Variants in WWOX observed in about 807,000 individuals in gnomAD.
WWOX encodes the protein WW domain containing oxidoreductase, also known as WW domain-containing oxidoreductase.
In WWOX, 69 loss-of-function variants were observed where a neutral mutation model predicts 46.2. The ratio of observed to expected loss-of-function variants is 1.49; its 90% CI spans 1.23 to 1.82. The LOEUF is 1.82. Among genes scored for constraint, WWOX ranks in the 40% most tolerant of loss-of-function variants. The probability of loss-of-function intolerance (pLI) is 0.00; values close to 1 mark genes in which losing one functional copy is unlikely to be tolerated. For missense variants in WWOX, 919 were observed against 542.6 expected (o/e 1.69, Z -6.89); for synonymous variants, 359 against 202.6 (o/e 1.77, Z -6.56).
chr16:78,377,307 G>C (rs939837278), intron 5 of WWOX, among the ~76,000 whole-genome samples: 6 of 152,210 alleles, frequency 3.9e-5, no homozygotes, highest in Admixed American at 2.0e-4. Context: ...GCAGTCAAAA[G>C]TAATGGTGTC....
chr16:79,049,765 G>A (rs1464352329), intron 8 of WWOX, among the ~76,000 whole-genome samples: 1 of 151,416 alleles, frequency 6.6e-6, no homozygotes, highest in Admixed American at 6.6e-5. Flanking sequence ...AACCTGGGAG[G>A]TGGAGGTTGC....
chr16:78,682,502 G>A (rs569999195), intron 8 of WWOX, among the ~76,000 whole-genome samples: 4 of 152,192 alleles, frequency 2.6e-5, no homozygotes, highest in African/African-American at 4.8e-5. Context: ...AGGATACCAC[G>A]AGCCCAGGAG....
chr16:78,794,378 TAACAAACA>T (rs775865651), intron 8 of WWOX, among the ~76,000 whole-genome samples: 2 of 152,206 alleles, frequency 1.3e-5, no homozygotes, highest in African/African-American at 4.8e-5. Flanking sequence ...GCCTTATTTG[TAACAAACA>T]AATAAACAAA....
intron 8 of WWOX, among the ~76,000 whole-genome samples, chr16:78,894,050 A>ATTATTATTATTATTAT (rs1410629669): frequency 7.2e-6 from 1 of 137,964 alleles, no homozygotes; most frequent in Admixed American, 8.1e-5. Context: ...TATTATTATT[A>ATTATTATTATTATTAT]TATTTTGAGA....
chr16:79,204,529 A>T (rs1293859077), intron 8 of WWOX: 2 of 152,226 alleles, frequency 1.3e-5, no homozygotes, highest in Admixed American at 1.3e-4. Flanking sequence ...GCTAGACATA[A>T]ATCTATCACA....
intron 8 of WWOX, among the ~76,000 whole-genome samples, chr16:78,905,022 A>G (rs1027798265): frequency 6.6e-6 from 1 of 152,046 alleles, no homozygotes; most frequent in Non-Finnish European, 1.5e-5. Context: ...CAGAAAATAT[A>G]TTTTCATTCC....
intron 8 of WWOX, among the ~76,000 whole-genome samples, chr16:79,075,725 G>C (rs903851159): frequency 6.6e-6 from 1 of 151,884 alleles, no homozygotes; most frequent in African/African-American, 2.4e-5. Flanking sequence ...GCTACTTTTT[G>C]TATTTTTAGT....
chr16:78,859,050 G>GTATATATATATATATATATGTATA (rs2052652303), intron 8 of WWOX, among the ~76,000 whole-genome samples: 2 of 40,838 alleles, frequency 4.9e-5, no homozygotes, highest in African/African-American at 2.2e-4. Flanking sequence ...ATATATATAT[G>GTATATATATATATATATATGTATA]TATATATATA....
intron 8 of WWOX, among the ~76,000 whole-genome samples, chr16:78,893,778 C>G (rs2044641500): frequency 6.6e-6 from 1 of 152,086 alleles, no homozygotes; most frequent in Non-Finnish European, 1.5e-5. Flanking sequence ...CTGTCTTTCC[C>G]TGCCCCTCTC....
chr16:78,104,679 G>T (rs746740734), intron 1 of WWOX, among the ~76,000 whole-genome samples: 2 of 152,120 alleles, frequency 1.3e-5, no homozygotes, highest in Non-Finnish European at 2.9e-5. Flanking sequence ...AAGGAGAATA[G>T]GAGAATGCTT....
intron 8 of WWOX, among the ~76,000 whole-genome samples, chr16:78,668,815 G>C (rs755434353): frequency 4.6e-5 from 7 of 152,128 alleles, no homozygotes; most frequent in Non-Finnish European, 1.0e-4. Flanking sequence ...TCAGACATGG[G>C]CACCTTCAGA....
In WWOX at chr16:78,640,693, T is replaced by G. The variant is rs180711983; in HGVS notation, c.1056+207941T>G. Reference sequence around the variant, plus strand: ...GTGGCTCACGCCTGTAATCCTAACATTTTGGGAGGTCGAGGCAGGCAGATT... The same window carrying G: ...GTGGCTCACGCCTGTAATCCTAACAGTTTGGGAGGTCGAGGCAGGCAGATT... On this transcript the variant is annotated intron_variant, in intron 8 of 8. Transcript: ENST00000566780. 1.4e-4 allele frequency among the ~76,000 whole-genome samples: 22 copies of G among 152,104 alleles called. No individual in the cohort carries two copies. The East Asian group carries it at 3.3e-3, about 23-fold the overall frequency.
rs769015775 is a variant in WWOX, at chr16:79,049,034, C to T, written c.1057-162574C>T. 4.3e-4 allele frequency among the ~76,000 whole-genome samples: 65 copies of T among 152,136 alleles called. 1 individual carries two copies. Among genetic ancestry groups the T allele is most frequent in the Non-Finnish European group, 1.0e-4 (7 of 68,030 alleles). Reference sequence around the variant, plus strand: ...AGGGACAGGCACTGTGCTAGATACCCGAGATACAAAAGCGACAAGGTTTCT... The same window carrying T: ...AGGGACAGGCACTGTGCTAGATACCTGAGATACAAAAGCGACAAGGTTTCT... On this transcript the variant is annotated intron_variant, in intron 8 of 8. Coordinates refer to ENST00000566780, the MANE Select transcript of WWOX (RefSeq NM_016373.4).
chr16:78,705,284 C>T (rs765728698), intron 8 of WWOX, among the ~76,000 whole-genome samples: 2 of 152,148 alleles, frequency 1.3e-5, no homozygotes, highest in Non-Finnish European at 2.9e-5. Context: ...TGTTGTCCTG[C>T]CCAGTACTTT....
intron 5 of WWOX, among the ~76,000 whole-genome samples, chr16:78,365,050 G>C (rs1470434074): frequency 1.3e-5 from 2 of 152,104 alleles, no homozygotes; most frequent in Non-Finnish European, 2.9e-5. Flanking sequence ...GGTTAGACTT[G>C]GGTTCAAATT....
At chr16:78,996,055 C>G (rs188998105) in intron 8 of WWOX, 3 of 280,186 alleles carry the variant, frequency 1.1e-5, no homozygotes, top group Admixed American at 1.3e-4. Context: ...ACTGGTGATT[C>G]CAAATCCAGA....
At chr16:79,139,247 A>C (rs1021346653) in intron 8 of WWOX, among the ~76,000 whole-genome samples, 7 of 152,250 alleles carry the variant, frequency 4.6e-5, no homozygotes, top group African/African-American at 1.7e-4. Flanking sequence ...AGAGAAGGAC[A>C]GATTTTCTTT....
chr16:78,992,587 A>G (rs532292512), intron 8 of WWOX, among the ~76,000 whole-genome samples: 161 of 152,312 alleles, frequency 1.1e-3, no homozygotes, highest in African/African-American at 3.7e-3. Context: ...TTTCTCTCTC[A>G]GAATGAAAGG....
At chr16:78,585,623 G>A (rs949715469) in intron 8 of WWOX, among the ~76,000 whole-genome samples, 4 of 151,720 alleles carry the variant, frequency 2.6e-5, no homozygotes, top group Admixed American at 6.6e-5. Flanking sequence ...AAGTCACTTC[G>A]CAGCACAATC....
Sources: allele counts gnomAD v4.1 joint callset (sites outside exome capture counted in the v4.1 genomes callset), GRCh38; gene constraint gnomAD v4.1.1; transcripts MANE v1.5; gene names NCBI Gene and HGNC (gene_info 2026-07-23, HGNC 2026-07-21).